The following TDRD7 variants were observed in gnomAD, a reference collection of about 807,000 sequenced individuals.
The protein encoded by TDRD7 is tudor domain containing 7.
TDRD7 carries 47 observed loss-of-function variants against 109.8 expected under a neutral mutation model. The observed-to-expected ratio is 0.43, with a 90% CI of 0.34 to 0.55. The LOEUF is 0.55. Ranked by LOEUF, TDRD7 falls within the 20% of genes least tolerant of loss-of-function variation. The pLI, the probability that TDRD7 is intolerant of heterozygous loss-of-function variation, is 0.03. For synonymous variants in TDRD7, 424 were observed against 457.3 expected (o/e 0.93, Z 0.93); for missense variants, 1,164 against 1,319.2 (o/e 0.88, Z 1.82).
chr9:97,487,054 A>T (rs1829222826), intron 15 of TDRD7, 118 bp from the exon 16 acceptor site: 2 of 1,175,280 alleles, frequency 1.7e-6, no homozygotes, highest in Admixed American at 2.2e-5. Flanking sequence ...TATAGTTTTA[A>T]ATTTTGATAA....
At chr9:97,455,873 G>A (rs993349953) in intron 6 of TDRD7, among the ~76,000 whole-genome samples, 1 of 152,144 alleles carries the variant, frequency 6.6e-6, no homozygotes, top group African/African-American at 2.4e-5. Flanking sequence ...AGGAAGAGAG[G>A]GAGCCAAGTT....
intron 6 of TDRD7, among the ~76,000 whole-genome samples, chr9:97,453,492 A>G (rs1828537906): frequency 6.6e-6 from 1 of 152,138 alleles, no homozygotes; most frequent in South Asian, 2.1e-4. Flanking sequence ...TCTCTCAGCA[A>G]AGTAGAGTAG....
chr9:97,434,277 C>T (rs1828156625), intron 4 of TDRD7, among the ~76,000 whole-genome samples: 1 of 152,010 alleles, frequency 6.6e-6, no homozygotes, highest in African/African-American at 2.4e-5. Context: ...AAAGAAACAC[C>T]ACATTATCTT....
Position 97,464,946 on chromosome 9 carries a change from T to C in TDRD7, c.1547T>C (p.Val516Ala). Reference protein sequence around the residue: ...PKITPVQAVNVGQLLAVNAEE... With the variant: ...PKITPVQAVNAGQLLAVNAEE... ...ATCACACCAGTCCAGGCTGTGAATG[T>C]TGGGCAGTTGCTGGCCGTAAATGCC... The change falls in exon 8 of 17, where the codon GTT becomes GCT. Residue 516 changes from valine (V) to alanine (A), a missense_variant. Physicochemically the swap from Val to Ala is moderately conservative, Grantham distance 64. Coordinates refer to ENST00000355295, the MANE Select transcript of TDRD7 (RefSeq NM_014290.3). 1 of 1,614,192 alleles carries C rather than the reference T, an allele frequency of 6.2e-7. No homozygotes were observed. Among genetic ancestry groups the C allele is most frequent in the Non-Finnish European group, 8.5e-7 (1 of 1,180,026 alleles).
intron 1 of TDRD7, among the ~76,000 whole-genome samples, chr9:97,423,481 C>T (rs1487062710): frequency 1.3e-5 from 2 of 150,288 alleles, no homozygotes; most frequent in Admixed American, 1.3e-4. Context: ...ATTCTTTTCT[C>T]TCCTATTTTT....
chr9:97,419,725 C>T (rs1827867508), intron 1 of TDRD7, among the ~76,000 whole-genome samples: 1 of 152,178 alleles, frequency 6.6e-6, no homozygotes, highest in Non-Finnish European at 1.5e-5. Context: ...GGATTTCACA[C>T]CACTGTTTTT....
chr9:97,482,112 A>G (rs1042295104), intron 14 of TDRD7, among the ~76,000 whole-genome samples: 2 of 152,204 alleles, frequency 1.3e-5, no homozygotes, highest in African/African-American at 2.4e-5. Context: ...TACAGTCCCA[A>G]TTATTAATGT....
At chr9:97,479,260 A>T (rs1240075671) in intron 13 of TDRD7, among the ~76,000 whole-genome samples, 2 of 152,224 alleles carry the variant, frequency 1.3e-5, no homozygotes, top group African/African-American at 4.8e-5. Context: ...ATGGCTTTTG[A>T]CATGTCTCTC....
At position 97,478,664 on chromosome 9, in the gene TDRD7, T is replaced by A. The variant is rs753990612; in HGVS notation, c.2301+91T>A. The A allele has an allele frequency of 6.3e-6, 10 of 1,575,664 alleles. No individual in the cohort carries two copies. In the South Asian group the frequency reaches 8.9e-5, roughly 14 times the overall value. On this transcript the variant is annotated intron_variant, in intron 13 of 16. Coordinates refer to ENST00000355295, the MANE Select transcript of TDRD7 (RefSeq NM_014290.3). ...AGATGCCTTCTCAGTTTTGATCTCA[T>A]TAATTTTTAAGAAAATTGGAAATTG...
chr9:97,415,256 A>G (rs982137191), intron 1 of TDRD7, among the ~76,000 whole-genome samples: 5 of 152,248 alleles, frequency 3.3e-5, no homozygotes, highest in African/African-American at 1.2e-4. Flanking sequence ...TTGAGCAAGA[A>G]GAAACTTAGA....
At chr9:97,438,283 T>C (rs1006471577) in intron 4 of TDRD7, among the ~76,000 whole-genome samples, 3 of 152,346 alleles carry the variant, frequency 2.0e-5, no homozygotes, top group South Asian at 2.1e-4. Flanking sequence ...TAATCATTTC[T>C]TTTAGAATTA....
rs573069040 is a variant in TDRD7, at chr9:97,455,971, CAA to C, written c.856-4205_856-4204del. ...TTCTTGAACTGATAAGCAACTTCAG[CAA>C]AGTCTTAGGATACAAAACCAACATG... On this transcript the variant is annotated intron_variant, in intron 6 of 16. Transcript: ENST00000355295. Among the ~76,000 whole-genome samples the C allele has an allele frequency of 1.9e-3, 291 of 152,286 alleles. 3 individuals are homozygous for C. The highest frequency in any genetic ancestry group is 6.7e-3 in the African/African-American group (279 of 41,556).
chr9:97,419,792 T>C (rs1827868797), intron 1 of TDRD7, among the ~76,000 whole-genome samples: 1 of 152,224 alleles, frequency 6.6e-6, no homozygotes, highest in African/African-American at 2.4e-5. Context: ...TCTTAATTCT[T>C]CAGGGTTTGC....
intron 16 of TDRD7, among the ~76,000 whole-genome samples, chr9:97,494,725 T>C (rs148554822): frequency 2.2e-5 from 1 of 45,850 alleles, no homozygotes; most frequent in Non-Finnish European, 4.2e-5. Context: ...TTTTTTTTTT[T>C]CGAGAGGGTC....
Position 97,483,433 on chromosome 9 carries a change from G to T in TDRD7, c.2915+82G>T, listed in dbSNP as rs1264071992. 1.5e-5 allele frequency: 23 copies of T among 1,516,318 alleles called. No homozygotes were observed. In the East Asian group the frequency reaches 5.1e-4, roughly 33 times the overall value. 93.9% of individuals were successfully genotyped at this position (1,516,318 alleles called of 1,614,324 possible). A position where few individuals can be genotyped will look rare whatever the true frequency, so the allele number is the denominator to read the frequency against. ...GCCAGAGTCTTAATCTTGGCGGGGG[G>T]ACTTCGAACTGTACTAATGGGAATT... On this transcript the variant is annotated intron_variant, in intron 15 of 16. Transcript: ENST00000355295.
At chr9:97,433,904 A>G (rs141358256) in intron 4 of TDRD7, among the ~76,000 whole-genome samples, 4 of 152,326 alleles carry the variant, frequency 2.6e-5, no homozygotes, top group African/African-American at 7.2e-5. Context: ...GGGAACCCCA[A>G]TACACTGCTG....
chr9:97,468,926 A>G (rs1000555683), intron 8 of TDRD7, among the ~76,000 whole-genome samples: 1 of 152,226 alleles, frequency 6.6e-6, no homozygotes, highest in Non-Finnish European at 1.5e-5. Context: ...TGAGAGTCAC[A>G]CTGGCCAATG....
At chr9:97,422,943 G>C (rs1278233472) in intron 1 of TDRD7, among the ~76,000 whole-genome samples, 1 of 151,978 alleles carries the variant, frequency 6.6e-6, no homozygotes, top group East Asian at 1.9e-4. Flanking sequence ...CTAATGTTTT[G>C]TTAAGAATTT....
intron 6 of TDRD7, among the ~76,000 whole-genome samples, chr9:97,443,707 A>G (rs553902530): frequency 1.3e-5 from 2 of 152,310 alleles, no homozygotes; most frequent in East Asian, 3.9e-4. Context: ...ATAGAACTTT[A>G]TGAGTTCTTT....
Sources: allele counts gnomAD v4.1 joint callset (sites outside exome capture counted in the v4.1 genomes callset), GRCh38; gene constraint gnomAD v4.1.1; transcripts MANE v1.5; gene names NCBI Gene and HGNC (gene_info 2026-07-23, HGNC 2026-07-21).